Variants in PDE12 observed in about 807,000 individuals in gnomAD.
The protein encoded by PDE12 is 2',5'-phosphodiesterase 12.
In PDE12, 26 loss-of-function variants were observed where a neutral mutation model predicts 45.4. That is an observed-to-expected ratio of 0.57 (90% CI 0.42 to 0.79). The LOEUF (loss-of-function observed/expected upper bound fraction) is 0.79, where lower values mean the gene tolerates loss of function less well. Ranked by LOEUF, PDE12 falls within the 30% of genes least tolerant of loss-of-function variation. The probability of loss-of-function intolerance (pLI) is 0.00; values close to 1 mark genes in which losing one functional copy is unlikely to be tolerated. For synonymous variants in PDE12, 283 were observed against 323.9 expected, an observed-to-expected ratio of 0.87 and a Z score of 1.36; for missense variants, 668 against 790.0, an observed-to-expected ratio of 0.85 and a Z score of 1.85.
the PDE12 span, among the ~76,000 whole-genome samples, chr3:57,650,188 G>T: frequency 6.6e-6 from 1 of 151,900 alleles, no homozygotes; most frequent in Non-Finnish European, 1.5e-5. Flanking sequence ...ATTGGGTACA[G>T]TGTACATTCC....
chr3:57,635,670 G>C, the PDE12 span, among the ~76,000 whole-genome samples: 6 of 152,144 alleles, frequency 3.9e-5, no homozygotes, highest in Non-Finnish European at 7.4e-5. Context: ...CTGGGGGTGA[G>C]ATTTTAAGAA....
At chr3:57,569,336 G>A (rs1027622289), downstream of PDE12, among the ~76,000 whole-genome samples, 9 of 152,064 alleles carry the variant, frequency 5.9e-5, no homozygotes, top group African/African-American at 1.9e-4. Flanking sequence ...GGGTAAATGT[G>A]TCAAGTTGCT....
chr3:57,591,183 G>A, the PDE12 span, among the ~76,000 whole-genome samples: 3 of 152,002 alleles, frequency 2.0e-5, no homozygotes, highest in Admixed American at 6.6e-5. Context: ...TGTTCAAGAC[G>A]GTTACCATGA....
chr3:57,630,048 T>A, the PDE12 span, among the ~76,000 whole-genome samples: 1 of 152,104 alleles, frequency 6.6e-6, no homozygotes, highest in East Asian at 1.9e-4. Flanking sequence ...CAACCTGAGG[T>A]TACTGAATAC....
the PDE12 span, among the ~76,000 whole-genome samples, chr3:57,608,686 A>C: frequency 2.0e-5 from 3 of 152,140 alleles, no homozygotes; most frequent in Non-Finnish European, 4.4e-5. Context: ...AAGAAGAGCT[A>C]ACTATCCTAA....
the PDE12 span, among the ~76,000 whole-genome samples, chr3:57,581,038 G>C: frequency 6.6e-6 from 1 of 152,268 alleles, no homozygotes; most frequent in Non-Finnish European, 1.5e-5. Context: ...GTGAAGAAAA[G>C]CTAGGATTCT....
chr3:57,597,187 C>A, the PDE12 span: 8 of 1,553,310 alleles, frequency 5.2e-6, no homozygotes, highest in Admixed American at 1.7e-5. Flanking sequence ...GGGTTTGGGG[C>A]GACCCCGTGC....
the PDE12 span, among the ~76,000 whole-genome samples, chr3:57,573,839 C>T: frequency 1.3e-5 from 2 of 152,234 alleles, no homozygotes; most frequent in Non-Finnish European, 2.9e-5. Context: ...ACCTTCGCCT[C>T]CCAAAGTGCT....
chr3:57,567,032 G>A (rs199787755), downstream of PDE12, among the ~76,000 whole-genome samples: 7 of 152,076 alleles, frequency 4.6e-5, no homozygotes, highest in Non-Finnish European at 7.4e-5. Context: ...CAATGTGGTC[G>A]GGCACAGTGG....
chr3:57,590,355 G>A, the PDE12 span, among the ~76,000 whole-genome samples: 1,046 of 150,714 alleles, frequency 6.9e-3, 13 homozygotes, highest in African/African-American at 0.023. Context: ...GCGCAGTGGC[G>A]GGTGCCTGTA....
At chr3:57,575,487 A>G in the PDE12 span, 1 of 1,481,830 alleles carries the variant, frequency 6.7e-7, no homozygotes, top group Non-Finnish European at 9.1e-7. Flanking sequence ...ATATTAGCTT[A>G]CACAACTATC....
At chr3:57,574,027 T>C in the PDE12 span, among the ~76,000 whole-genome samples, 1 of 152,074 alleles carries the variant, frequency 6.6e-6, no homozygotes, top group Non-Finnish European at 1.5e-5. Flanking sequence ...CTGCAACCTC[T>C]GCTGCCTGGG....
chr3:57,564,277 A>G lies in PDE12; in HGVS notation c.*4273A>G, dbSNP rs897385606. ...TGGCAAAATAATCTTAAATATAGTA[A>G]ATCTGTTCACCTATCTGCTATGCTA... On this transcript the variant is annotated 3_prime_UTR_variant, in exon 3 of 3. Transcript: ENST00000311180. The G allele has an allele frequency of 6.6e-6, 1 of 152,106 alleles. No homozygotes were observed. Among genetic ancestry groups the G allele is most frequent in the African/African-American group, 2.4e-5 (1 of 41,434 alleles). The allele number at this position is 152,106 out of a possible 1,614,324, so 9.4% of individuals were successfully genotyped here.
At chr3:57,587,171 T>C in the PDE12 span, among the ~76,000 whole-genome samples, 1 of 151,544 alleles carries the variant, frequency 6.6e-6, no homozygotes, top group Admixed American at 6.6e-5. Flanking sequence ...ATACAGAAAC[T>C]AGCTGGATGT....
chr3:57,578,787 G>T, the PDE12 span, among the ~76,000 whole-genome samples: 1 of 151,494 alleles, frequency 6.6e-6, no homozygotes, highest in Non-Finnish European at 1.5e-5. Context: ...CCCATTATTA[G>T]AATTCTATAC....
At chr3:57,649,091 A>T in the PDE12 span, among the ~76,000 whole-genome samples, 1 of 152,214 alleles carries the variant, frequency 6.6e-6, no homozygotes, top group African/African-American at 2.4e-5. Flanking sequence ...ATAGGAGAAA[A>T]TCTTCACAAT....
At chr3:57,594,358 G>T in the PDE12 span, among the ~76,000 whole-genome samples, 2 of 152,178 alleles carry the variant, frequency 1.3e-5, no homozygotes, top group South Asian at 4.1e-4. Context: ...AAAGTGCTGG[G>T]ATAATAGGCG....
chr3:57,583,893 C>G, the PDE12 span: 3 of 1,572,700 alleles, frequency 1.9e-6, no homozygotes, highest in Non-Finnish European at 2.6e-6. Flanking sequence ...TACAGTATCC[C>G]TTACCTGGGT....
At chr3:57,651,356 T>C in the PDE12 span, among the ~76,000 whole-genome samples, 59 of 152,330 alleles carry the variant, frequency 3.9e-4, no homozygotes, top group Non-Finnish European at 6.8e-4. Flanking sequence ...TACTGATTCA[T>C]GATACTGCAC....
Sources: allele counts gnomAD v4.1 joint callset (sites outside exome capture counted in the v4.1 genomes callset), GRCh38; gene constraint gnomAD v4.1.1; transcripts MANE v1.5; gene names NCBI Gene and HGNC (gene_info 2026-07-23, HGNC 2026-07-21).